Variants in MICAL2 observed in about 807,000 individuals in gnomAD.
MICAL2 encodes [F-actin]-monooxygenase MICAL2.
A neutral mutation model predicts 127.3 loss-of-function variants in MICAL2; 77 were observed. The ratio of observed to expected loss-of-function variants is 0.60; its 90% CI spans 0.50 to 0.73. The LOEUF is 0.73. MICAL2 is among the 30% of genes least tolerant of loss of function. The pLI is 0.00. For synonymous variants in MICAL2, 570 were observed against 551.1 expected, an observed-to-expected ratio of 1.03 and a Z score of -0.48; for missense variants, 1,351 against 1,434.4, an observed-to-expected ratio of 0.94 and a Z score of 0.94.
At position 12,182,043 on chromosome 11, in the gene MICAL2, C is replaced by T. The variant is rs1030290356; in HGVS notation, c.264+19624C>T. On this transcript the variant is annotated intron_variant, in intron 3 of 27. Coordinates refer to ENST00000683283, the MANE Select transcript of MICAL2 (RefSeq NM_001282663.2). ...TTGCAGTGGTTGCAGATATCTCAAG[C>T]TAGGATTTACACTTACAACTAGAAA... 1.3e-5 allele frequency among the ~76,000 whole-genome samples: 2 copies of T among 152,130 alleles called. 1 individual carries two copies. Among genetic ancestry groups the T allele is most frequent in the Admixed American group, 1.3e-4 (2 of 15,276 alleles).
chr11:12,162,514 C>G, intron 3 of MICAL2, 95 bp downstream of exon 3: 2 of 1,434,778 alleles, frequency 1.4e-6, no homozygotes, highest in Non-Finnish European at 1.9e-6. Context: ...CTCTACGGTT[C>G]TTAGGTGTGG....
intron 1 of MICAL2, among the ~76,000 whole-genome samples, chr11:12,133,320 G>A (rs1279734991): frequency 6.6e-6 from 1 of 152,138 alleles, no homozygotes; most frequent in Non-Finnish European, 1.5e-5. Context: ...GACCTCAAGC[G>A]ATCTGCCTGC....
intron 8 of MICAL2, among the ~76,000 whole-genome samples, chr11:12,217,211 G>C (rs1197218582): frequency 1.3e-5 from 2 of 152,204 alleles, no homozygotes; most frequent in South Asian, 2.1e-4. Flanking sequence ...TCAGCCTGCT[G>C]TCTGGGTGTC....
In MICAL2 at chr11:12,174,479, G is replaced by A. The variant is rs550466957; in HGVS notation, c.264+12060G>A. ...GGCTGGCTTATTCACTTGGCCTGAT[G>A]TCCTCAAGGTTCATCTGTGACATAT... On this transcript the variant is annotated intron_variant, in intron 3 of 27. Transcript: ENST00000683283. Among the ~76,000 whole-genome samples, 50 of 151,182 alleles carry A rather than the reference G, an allele frequency of 3.3e-4. 1 individual carries two copies. In the South Asian group the frequency reaches 9.8e-3, roughly 30 times the overall value.
intron 29 of MICAL2, among the ~76,000 whole-genome samples, chr11:12,311,097 T>G (rs1444519303): frequency 6.6e-6 from 1 of 152,150 alleles, no homozygotes; most frequent in Non-Finnish European, 1.5e-5. Context: ...AGTCTTTCAG[T>G]TTTTCTGAAT....
At chr11:12,209,725 A>C in intron 6 of MICAL2, 127 bp downstream of exon 6, 3 of 806,316 alleles carry the variant, frequency 3.7e-6, no homozygotes, top group African/African-American at 1.7e-5. Context: ...ATAGGAGGGC[A>C]GACCATCCTG....
At position 12,112,617 on chromosome 11, in the gene MICAL2, C is replaced by A. The variant is rs567984837; in HGVS notation, c.-149+1891C>A. 2.0e-5 allele frequency among the ~76,000 whole-genome samples: 3 copies of A among 152,092 alleles called. No individual in the cohort carries two copies. In the East Asian group the frequency reaches 5.8e-4, roughly 29 times the overall value. ...GTAATTGAAATCCAGTTTGAACATACCTCTATAAAAACATGACATCACTTT... is the reference window on the plus strand; with the variant it reads ...GTAATTGAAATCCAGTTTGAACATAACTCTATAAAAACATGACATCACTTT... On this transcript the variant is annotated intron_variant, in intron 1 of 27. Coordinates refer to ENST00000683283, the MANE Select transcript of MICAL2 (RefSeq NM_001282663.2).
At chr11:12,356,731 G>A (rs1196233093) in intron 34 of MICAL2, among the ~76,000 whole-genome samples, 2 of 152,194 alleles carry the variant, frequency 1.3e-5, no homozygotes, top group East Asian at 3.9e-4. Flanking sequence ...GGAACCCTGT[G>A]GCAGGTCCAC....
intron 34 of MICAL2, among the ~76,000 whole-genome samples, chr11:12,356,743 A>G (rs1484558309): frequency 6.6e-6 from 1 of 152,180 alleles, no homozygotes; most frequent in Non-Finnish European, 1.5e-5. Context: ...CAGGTCCACT[A>G]GCCAGCTGTC....
intron 1 of MICAL2, among the ~76,000 whole-genome samples, chr11:12,115,251 G>A (rs1372271182): frequency 6.6e-6 from 1 of 152,200 alleles, no homozygotes; most frequent in Non-Finnish European, 1.5e-5. Context: ...GTGACCTAAT[G>A]AAGGAGACCG....
At chr11:12,176,227 TAA>T (rs1856826737) in intron 3 of MICAL2, among the ~76,000 whole-genome samples, 2 of 152,196 alleles carry the variant, frequency 1.3e-5, no homozygotes, top group Admixed American at 1.3e-4. Context: ...CATTCTGATT[TAA>T]AGTCTTTTTG....
At chr11:12,133,650 G>T (rs1218413369) in intron 1 of MICAL2, among the ~76,000 whole-genome samples, 1 of 151,786 alleles carries the variant, frequency 6.6e-6, no homozygotes, top group Non-Finnish European at 1.5e-5. Context: ...CAAAAAACAC[G>T]CAAAGGAGAT....
intron 32 of MICAL2, among the ~76,000 whole-genome samples, chr11:12,338,963 G>C (rs1039878938): frequency 1.9e-4 from 29 of 152,162 alleles, no homozygotes; most frequent in Non-Finnish European, 3.2e-4. Context: ...GAGTATCTTT[G>C]CGGCATTCTC....
intron 29 of MICAL2, among the ~76,000 whole-genome samples, chr11:12,299,745 A>G (rs563050878): frequency 6.6e-6 from 1 of 152,334 alleles, no homozygotes; most frequent in African/African-American, 2.4e-5. Flanking sequence ...TGCAAAATGC[A>G]CATTTGTGTA....
chr11:12,233,764 A>G (rs998928185), intron 15 of MICAL2, among the ~76,000 whole-genome samples: 8 of 152,226 alleles, frequency 5.3e-5, no homozygotes, highest in Admixed American at 5.2e-4. Context: ...CTTTGGGCAC[A>G]GTAAGTATTT....
upstream of MICAL2, chr11:12,274,445 A>T (rs1455856951): frequency 6.6e-6 from 1 of 152,244 alleles, no homozygotes; most frequent in Admixed American, 6.5e-5. Flanking sequence ...TGTATAGTTT[A>T]TTGGAGGGTG....
chr11:12,213,553 G>T, intron 7 of MICAL2, 143 bp downstream of exon 7: 1 of 755,516 alleles, frequency 1.3e-6, no homozygotes, highest in Non-Finnish European at 2.1e-6. Flanking sequence ...TTTTCCCTAG[G>T]ATAGTGAATA....
intron 25 of MICAL2, among the ~76,000 whole-genome samples, chr11:12,259,026 T>C (rs1211948197): frequency 6.6e-6 from 1 of 152,244 alleles, no homozygotes; most frequent in Non-Finnish European, 1.5e-5. Flanking sequence ...AAGCATCTCT[T>C]CTGGCATCTC....
intron 1 of MICAL2, among the ~76,000 whole-genome samples, chr11:12,136,530 C>T (rs936553311): frequency 8.5e-5 from 13 of 152,126 alleles, no homozygotes; most frequent in Admixed American, 2.0e-4. Context: ...CTCTAAAAGT[C>T]AGGGTACCTG....
Sources: gnomAD v4.1 joint callset for allele counts (sites outside exome capture counted in the v4.1 genomes callset) on GRCh38, gnomAD v4.1.1 for gene constraint, MANE v1.5 for transcripts, NCBI Gene and HGNC (gene_info 2026-07-23, HGNC 2026-07-21) for gene names.